MED12L: variants seen among roughly 807,000 people sequenced by gnomAD.
MED12L encodes the protein mediator of RNA polymerase II transcription subunit 12-like protein.
MED12L carries 60 observed loss-of-function variants against 281.3 expected under a neutral mutation model. The ratio of observed to expected loss-of-function variants is 0.21; its 90% CI spans 0.17 to 0.26. The LOEUF (loss-of-function observed/expected upper bound fraction) is 0.26. MED12L is among the 10% of genes least tolerant of loss of function. The pLI is 1.00. For missense variants in MED12L, 2,146 were observed against 2,680.9 expected, an observed-to-expected ratio of 0.80 and a Z score of 4.41; for synonymous variants, 974 against 987.2, an observed-to-expected ratio of 0.99 and a Z score of 0.25.
chr3:151,158,847 G>A, intron 7 of MED12L, 48 bp downstream of exon 7: 1 of 1,216,502 alleles, frequency 8.2e-7, no homozygotes, highest in Non-Finnish European at 1.2e-6. Flanking sequence ...GGCAAGAAAT[G>A]AGCCTGATAA....
chr3:151,410,298 G>A (rs879408102), intron 40 of MED12L, among the ~76,000 whole-genome samples: 2 of 152,194 alleles, frequency 1.3e-5, no homozygotes, highest in Non-Finnish European at 2.9e-5. Context: ...TGGGAATCAG[G>A]AATGCAGGGG....
At chr3:151,289,474 G>A (rs9864216) in intron 16 of MED12L, among the ~76,000 whole-genome samples, 125,789 of 152,198 alleles carry the variant, frequency 0.83, 52,305 homozygotes, top group African/African-American at 0.93. Context: ...TGCAAAATAC[G>A]TAGAGGTAAT....
chr3:151,089,182 T>C (rs1441383641), intron 2 of MED12L, among the ~76,000 whole-genome samples: 42 of 152,240 alleles, frequency 2.8e-4, no homozygotes, highest in Non-Finnish European at 4.4e-5. Context: ...TATTGAAATA[T>C]ATGTATATAT....
chr3:151,162,353 G>C (rs928807587), intron 8 of MED12L, among the ~76,000 whole-genome samples: 10 of 151,982 alleles, frequency 6.6e-5, no homozygotes, highest in African/African-American at 2.4e-4. Context: ...CTGCTATCTG[G>C]TTTCCACAAA....
At chr3:151,249,329 G>A (rs542022986) in intron 16 of MED12L, among the ~76,000 whole-genome samples, 62 of 152,274 alleles carry the variant, frequency 4.1e-4, no homozygotes, top group African/African-American at 1.5e-3. Context: ...GTATTTTTAA[G>A]TTGTAATTCA....
At chr3:151,278,961 G>A (rs1017934372) in intron 16 of MED12L, among the ~76,000 whole-genome samples, 11 of 152,228 alleles carry the variant, frequency 7.2e-5, no homozygotes, top group East Asian at 5.8e-4. Flanking sequence ...TAAACTCCTC[G>A]TGTGTTAACA....
rs114806435 is a variant in MED12L at position 151,250,012 on chromosome 3, G to A, written c.2250+56346G>A. Among the ~76,000 whole-genome samples, 1,236 of 152,146 alleles carry A rather than the reference G, an allele frequency of 8.1e-3. 9 individuals are homozygous for A. The highest frequency in any genetic ancestry group is 0.012 in the Non-Finnish European group (830 of 68,002). ...TTATCATTATCAAATAAAATAAAGC[G>A]AAAACCCTCAAAGCTCTCCCTTAAA... On this transcript the variant is annotated intron_variant, in intron 16 of 44. Transcript: ENST00000687756.
chr3:151,251,601 T>C (rs1389172720), intron 16 of MED12L, among the ~76,000 whole-genome samples: 1 of 152,156 alleles, frequency 6.6e-6, no homozygotes, highest in Non-Finnish European at 1.5e-5. Flanking sequence ...TTCAGTAGAG[T>C]GCTCTGTGAT....
At chr3:151,345,018 GC>G (rs1021452986) in intron 16 of MED12L, among the ~76,000 whole-genome samples, 2 of 152,166 alleles carry the variant, frequency 1.3e-5, no homozygotes, top group African/African-American at 4.8e-5. Context: ...AGGACATTTG[GC>G]TCAAGAGACA....
At chr3:151,271,959 A>G (rs1162147769) in intron 16 of MED12L, among the ~76,000 whole-genome samples, 1 of 152,210 alleles carries the variant, frequency 6.6e-6, no homozygotes, top group Admixed American at 6.5e-5. Flanking sequence ...TGAACTCTAC[A>G]CTTAAAATCT....
At chr3:151,286,925 T>C (rs1431033298) in intron 16 of MED12L, among the ~76,000 whole-genome samples, 1 of 152,238 alleles carries the variant, frequency 6.6e-6, no homozygotes, top group Non-Finnish European at 1.5e-5. Flanking sequence ...TCTGTTATGC[T>C]TATTAATCAG....
At chr3:151,263,216 A>C (rs1165124826) in intron 16 of MED12L, among the ~76,000 whole-genome samples, 2 of 152,154 alleles carry the variant, frequency 1.3e-5, no homozygotes. Context: ...GATTTGGCTA[A>C]TCAGCCTCAC....
intron 16 of MED12L, among the ~76,000 whole-genome samples, chr3:151,267,707 G>C (rs1040025845): frequency 3.9e-5 from 6 of 152,040 alleles, no homozygotes; most frequent in African/African-American, 1.4e-4. Flanking sequence ...GTTTTCAACA[G>C]AGCTGCTGTG....
intron 16 of MED12L, among the ~76,000 whole-genome samples, chr3:151,226,061 AG>A (rs1398945763): frequency 6.6e-6 from 1 of 152,214 alleles, no homozygotes; most frequent in African/African-American, 2.4e-5. Context: ...GGGAACTCTC[AG>A]GAAGATTCCA....
intron 30 of MED12L, among the ~76,000 whole-genome samples, chr3:151,377,803 A>G (rs143114467): frequency 2.9e-4 from 44 of 152,328 alleles, no homozygotes; most frequent in African/African-American, 9.9e-4. Flanking sequence ...CCAGAACTGC[A>G]TGTTTTATTG....
chr3:151,370,853 T>C (rs1756091619), intron 26 of MED12L, among the ~76,000 whole-genome samples: 1 of 152,212 alleles, frequency 6.6e-6, no homozygotes, highest in African/African-American at 2.4e-5. Context: ...GAGTACCTTC[T>C]AGACACTGGC....
intron 39 of MED12L, among the ~76,000 whole-genome samples, chr3:151,404,787 T>C (rs1359963065): frequency 6.6e-6 from 1 of 152,238 alleles, no homozygotes; most frequent in South Asian, 2.1e-4. Flanking sequence ...TTTGAATCAT[T>C]ACTAGTAAAT....
At chr3:151,411,856 T>C (rs1716976212) in intron 41 of MED12L, among the ~76,000 whole-genome samples, 1 of 152,216 alleles carries the variant, frequency 6.6e-6, no homozygotes, top group Admixed American at 6.5e-5. Flanking sequence ...TTGATTATTG[T>C]TAGGAATGCC....
chr3:151,393,081 T>C (rs1050746219), intron 38 of MED12L, among the ~76,000 whole-genome samples: 7 of 152,172 alleles, frequency 4.6e-5, no homozygotes, highest in African/African-American at 1.7e-4. Flanking sequence ...CTGAATGACT[T>C]TGTAAATAGA....
Sources: gnomAD v4.1 joint callset for allele counts (sites outside exome capture counted in the v4.1 genomes callset) on GRCh38, gnomAD v4.1.1 for gene constraint, MANE v1.5 for transcripts, NCBI Gene and HGNC (gene_info 2026-07-23, HGNC 2026-07-21) for gene names.